Variants in CLIC5 observed in about 807,000 individuals in gnomAD.
CLIC5 encodes the protein chloride intracellular channel protein 5.
In CLIC5, 20 loss-of-function variants were observed where a neutral mutation model predicts 24.7. The ratio of observed to expected loss-of-function variants is 0.81; its 90% CI spans 0.57 to 1.18. The LOEUF is 1.18. Among genes scored for constraint, CLIC5 ranks in the 50% most tolerant of loss-of-function variants. The pLI, the probability that CLIC5 is intolerant of heterozygous loss-of-function variation, is 0.00. For missense variants in CLIC5, 341 were observed against 326.1 expected (o/e 1.05, Z -0.35); for synonymous variants, 159 against 135.6 (o/e 1.17, Z -1.20).
At chr6:46,070,919 C>T (rs889603104) in intron 1 of CLIC5, among the ~76,000 whole-genome samples, 1 of 152,046 alleles carries the variant, frequency 6.6e-6, no homozygotes, top group Non-Finnish European at 1.5e-5. Context: ...CAAAATACGG[C>T]CGCACACCTA....
intron 6 of CLIC5, among the ~76,000 whole-genome samples, chr6:45,888,970 T>G (rs1422437036): frequency 1.3e-5 from 2 of 152,194 alleles, no homozygotes; most frequent in African/African-American, 4.8e-5. Context: ...ATGGCTTTAG[T>G]GTCCATCAGA....
chr6:46,029,830 G>T (rs550045395), intron 1 of CLIC5, among the ~76,000 whole-genome samples: 1 of 152,124 alleles, frequency 6.6e-6, no homozygotes, highest in Admixed American at 6.6e-5. Flanking sequence ...CAAGTAGTTC[G>T]CTCCCATTCA....
chr6:46,096,210 G>C, the CLIC5 span, among the ~76,000 whole-genome samples: 1 of 152,098 alleles, frequency 6.6e-6, no homozygotes, highest in East Asian at 1.9e-4. Context: ...GCACCAAGTG[G>C]GAAATCTGCC....
At chr6:45,952,465 A>T (rs1220000785) in intron 2 of CLIC5, among the ~76,000 whole-genome samples, 1 of 152,196 alleles carries the variant, frequency 6.6e-6, no homozygotes, top group Admixed American at 6.5e-5. Context: ...AATGTTTTAC[A>T]TGGCCTGCCT....
intron 5 of CLIC5, chr6:45,912,809 T>C: frequency 9.1e-7 from 1 of 1,102,976 alleles, no homozygotes; most frequent in Non-Finnish European, 1.3e-6. Flanking sequence ...GAGACATAGA[T>C]TGGCTGGACC....
chr6:46,039,414 A>C (rs904736417), intron 1 of CLIC5, among the ~76,000 whole-genome samples: 3 of 152,076 alleles, frequency 2.0e-5, no homozygotes, highest in Non-Finnish European at 4.4e-5. Context: ...ATACATAGGC[A>C]AGAAGTGATC....
chr6:45,937,048 G>A (rs528204764), intron 4 of CLIC5, among the ~76,000 whole-genome samples: 5 of 151,726 alleles, frequency 3.3e-5, no homozygotes, highest in Non-Finnish European at 4.4e-5. Context: ...GCACAGAATC[G>A]TCCCTCAGGG....
the CLIC5 span, among the ~76,000 whole-genome samples, chr6:46,114,303 T>C: frequency 1.4e-3 from 213 of 152,356 alleles, no homozygotes; most frequent in African/African-American, 5.0e-3. Flanking sequence ...TCTCCTTTAC[T>C]GTCAGTTGAT....
chr6:46,008,976 T>C (rs1766701133), intron 1 of CLIC5, among the ~76,000 whole-genome samples: 1 of 152,110 alleles, frequency 6.6e-6, no homozygotes, highest in African/African-American at 2.4e-5. Context: ...GGCTTCAGAA[T>C]CACCAGTGGG....
At chr6:45,973,746 G>C (rs59001937) in intron 1 of CLIC5, among the ~76,000 whole-genome samples, 3 of 151,644 alleles carry the variant, frequency 2.0e-5, no homozygotes, top group African/African-American at 7.3e-5. Flanking sequence ...AGACCATCCT[G>C]GACAACATGG....
chr6:45,961,373 C>G (rs1291062954), intron 1 of CLIC5, among the ~76,000 whole-genome samples: 1 of 152,086 alleles, frequency 6.6e-6, no homozygotes, highest in African/African-American at 2.4e-5. Flanking sequence ...AGAAATAGAC[C>G]CAGAAAGGTT....
At chr6:46,002,320 G>A (rs140988264) in intron 1 of CLIC5, among the ~76,000 whole-genome samples, 10 of 152,272 alleles carry the variant, frequency 6.6e-5, no homozygotes, top group East Asian at 1.9e-4. Flanking sequence ...AAGAAGAGCC[G>A]ACTGGAATAG....
chr6:46,075,126 T>A (rs887263793), intron 1 of CLIC5, among the ~76,000 whole-genome samples: 1 of 152,232 alleles, frequency 6.6e-6, no homozygotes, highest in Non-Finnish European at 1.5e-5. Flanking sequence ...ATAAGCATTA[T>A]CTTATTTAAT....
intron 1 of CLIC5, among the ~76,000 whole-genome samples, chr6:46,029,175 T>C (rs1433738966): frequency 6.6e-6 from 1 of 152,190 alleles, no homozygotes; most frequent in Non-Finnish European, 1.5e-5. Context: ...ATGAGCACAG[T>C]GCCTTACACA....
rs756833776 is a variant in CLIC5, at chr6:46,027,189, A to G, written c.540+52514T>C. 7.8e-4 allele frequency among the ~76,000 whole-genome samples: 118 copies of G among 152,228 alleles called. 2 individuals are homozygous for G. Among genetic ancestry groups the G allele is most frequent in the Admixed American group, 4.6e-4 (7 of 15,290 alleles). On this transcript the variant is annotated intron_variant, in intron 1 of 5. Transcript: ENST00000185206. ...CAATATTAAATTATGATCAAAGCTAACAAAGGAATCTGGGTAGAGAATCAC... is the reference window on the plus strand; with the variant it reads ...CAATATTAAATTATGATCAAAGCTAGCAAAGGAATCTGGGTAGAGAATCAC...
At chr6:45,950,984 A>C (rs562271928) in intron 2 of CLIC5, among the ~76,000 whole-genome samples, 1 of 152,218 alleles carries the variant, frequency 6.6e-6, no homozygotes, top group African/African-American at 2.4e-5. Flanking sequence ...TAAGTTAAAA[A>C]CAATTTATTT....
intron 1 of CLIC5, among the ~76,000 whole-genome samples, chr6:45,984,813 C>T (rs1346022345): frequency 6.6e-6 from 1 of 152,172 alleles, no homozygotes; most frequent in Non-Finnish European, 1.5e-5. Flanking sequence ...TGTTTTCTTT[C>T]TTTTTAAAGA....
At position 46,027,071 on chromosome 6, in the gene CLIC5, G is replaced by T. The variant is rs371447738; in HGVS notation, c.540+52632C>A. 1.4e-3 allele frequency among the ~76,000 whole-genome samples: 210 copies of T among 152,238 alleles called. 9 individuals are homozygous for T. The South Asian group carries it at 0.04, about 29-fold the overall frequency. On this transcript the variant is annotated intron_variant, in intron 1 of 5. Coordinates refer to the CLIC5 transcript ENST00000185206. ...TCCGAGAGACATTGAATATACCTTA[G>T]GGAATAAAACAGTTGTGAACATCCT...
chr6:45,979,165 T>C (rs1249527833), intron 1 of CLIC5, among the ~76,000 whole-genome samples: 1 of 152,172 alleles, frequency 6.6e-6, no homozygotes, highest in East Asian at 1.9e-4. Flanking sequence ...GTTTTCCTTA[T>C]TCAAAAATGT....
Sources: gnomAD v4.1 joint callset for allele counts (sites outside exome capture counted in the v4.1 genomes callset) on GRCh38, gnomAD v4.1.1 for gene constraint, MANE v1.5 for transcripts, NCBI Gene and HGNC (gene_info 2026-07-23, HGNC 2026-07-21) for gene names.